Variants in ERI3 observed in about 807,000 individuals in gnomAD.
The protein encoded by ERI3 is ERI1 exoribonuclease 3.
ERI3 carries 18 observed loss-of-function variants against 44.4 expected under a neutral mutation model. That is an observed-to-expected ratio of 0.41 (90% CI 0.28 to 0.60). ERI3 has a LOEUF of 0.60. Among genes scored for constraint, ERI3 ranks in the 20% least tolerant of loss-of-function variants. The pLI is 0.36. For synonymous variants in ERI3, 183 were observed against 164.8 expected, an observed-to-expected ratio of 1.11 and a Z score of -0.84; for missense variants, 294 against 435.5, an observed-to-expected ratio of 0.68 and a Z score of 2.89.
chr1:44,251,770 A>G (rs1342749117), intron 7 of ERI3, among the ~76,000 whole-genome samples: 6 of 152,206 alleles, frequency 3.9e-5, no homozygotes, highest in Non-Finnish European at 5.9e-5. Context: ...CCACATCTGA[A>G]GGCACTGTCT....
chr1:44,231,445 C>T (rs1644181707), intron 8 of ERI3, among the ~76,000 whole-genome samples: 1 of 152,174 alleles, frequency 6.6e-6, no homozygotes, highest in South Asian at 2.1e-4. Context: ...TTGCTCATAG[C>T]TCACCACAGT....
At chr1:44,314,106 A>G (rs1646031255) in intron 4 of ERI3, among the ~76,000 whole-genome samples, 1 of 151,492 alleles carries the variant, frequency 6.6e-6, no homozygotes, top group Non-Finnish European at 1.5e-5. Flanking sequence ...TTCCAGAAAG[A>G]GCAGTATCTC....
At chr1:44,335,447 G>C (rs1010001451) in intron 3 of ERI3, among the ~76,000 whole-genome samples, 3 of 152,026 alleles carry the variant, frequency 2.0e-5, no homozygotes, top group Non-Finnish European at 4.4e-5. Flanking sequence ...CTACTCCCAG[G>C]AGGCATGCAG....
At chr1:44,257,993 A>C (rs1209275812) in intron 7 of ERI3, among the ~76,000 whole-genome samples, 1 of 152,184 alleles carries the variant, frequency 6.6e-6, no homozygotes, top group Non-Finnish European at 1.5e-5. Context: ...TAGGGACTGC[A>C]GCTTGAACTA....
chr1:44,294,646 T>C (rs1645573520), intron 6 of ERI3, among the ~76,000 whole-genome samples: 1 of 152,240 alleles, frequency 6.6e-6, no homozygotes, highest in Non-Finnish European at 1.5e-5. Context: ...CAGAGCTCTC[T>C]TTCCTAGATG....
At chr1:44,239,630 G>T (rs1376096381) in intron 8 of ERI3, among the ~76,000 whole-genome samples, 1 of 152,232 alleles carries the variant, frequency 6.6e-6, no homozygotes, top group African/African-American at 2.4e-5. Flanking sequence ...CTTGCCAGAT[G>T]TTCCCTCTGG....
chr1:44,281,703 G>A (rs939896365), intron 7 of ERI3, among the ~76,000 whole-genome samples: 4 of 150,266 alleles, frequency 2.7e-5, no homozygotes, highest in Admixed American at 2.7e-4. Context: ...GAATATGTAT[G>A]TATAAACACC....
chr1:44,235,612 T>C lies in ERI3; in HGVS notation c.931+12327A>G, dbSNP rs886090746. Among the ~76,000 whole-genome samples, 12 of 152,150 alleles carry C rather than the reference T, an allele frequency of 7.9e-5. No homozygotes were observed. The highest frequency in any genetic ancestry group is 2.9e-4 in the African/African-American group (12 of 41,428). ...CGCAAACCTACTCCAGCCCTGACATTTGCCACCCAAAGCCTTGACATGCCC... is the reference window on the plus strand; with the variant it reads ...CGCAAACCTACTCCAGCCCTGACATCTGCCACCCAAAGCCTTGACATGCCC... On this transcript the variant is annotated intron_variant, in intron 8 of 8. Coordinates refer to ENST00000372257, the MANE Select transcript of ERI3 (RefSeq NM_024066.3). The surrounding 1 kb of genome is among the most constrained non-coding windows in gnomAD (Gnocchi z 4.6).
chr1:44,229,518 T>G (rs1448960576), intron 8 of ERI3, among the ~76,000 whole-genome samples: 1 of 152,086 alleles, frequency 6.6e-6, no homozygotes, highest in African/African-American at 2.4e-5. Context: ...CCGCCCTGAT[T>G]GGGATCAGAT....
At chr1:44,234,232 A>G (rs1644253349) in intron 8 of ERI3, among the ~76,000 whole-genome samples, 1 of 151,730 alleles carries the variant, frequency 6.6e-6, no homozygotes, top group Non-Finnish European at 1.5e-5. Context: ...ATTTTTCAAT[A>G]ATTTCTAAGC....
intron 2 of ERI3, among the ~76,000 whole-genome samples, chr1:44,351,582 C>A (rs992717864): frequency 1.3e-5 from 2 of 152,138 alleles, no homozygotes; most frequent in Non-Finnish European, 2.9e-5. Flanking sequence ...GACAGAGACC[C>A]AAAGCCTAAA....
intron 2 of ERI3, among the ~76,000 whole-genome samples, chr1:44,342,830 T>TATATATATATAA (rs1646692065): frequency 7.2e-5 from 2 of 27,878 alleles, no homozygotes; most frequent in Non-Finnish European, 1.2e-4. Flanking sequence ...TATATATATA[T>TATATATATATAA]ATATATATAT....
intron 7 of ERI3, among the ~76,000 whole-genome samples, chr1:44,275,982 T>A (rs999947392): frequency 2.6e-5 from 4 of 152,202 alleles, no homozygotes; most frequent in Admixed American, 2.0e-4. Flanking sequence ...GGTGAGTGCC[T>A]CAGGCTGCTT....
chr1:44,309,665 C>T (rs898625114), intron 5 of ERI3, among the ~76,000 whole-genome samples: 1 of 151,648 alleles, frequency 6.6e-6, no homozygotes, highest in East Asian at 2.0e-4. Context: ...CCCGGGTTCA[C>T]GCCATTCTCC....
intron 3 of ERI3, among the ~76,000 whole-genome samples, chr1:44,330,001 C>G (rs749403308): frequency 1.9e-4 from 29 of 152,226 alleles, no homozygotes; most frequent in Non-Finnish European, 3.7e-4. Context: ...CGCCAACCAA[C>G]TAACATCCTA....
chr1:44,271,967 G>C (rs1017421478), intron 7 of ERI3, among the ~76,000 whole-genome samples: 1 of 152,182 alleles, frequency 6.6e-6, no homozygotes. Context: ...TCTGCTGTGA[G>C]AGTCTCTTTT....
At chr1:44,320,683 G>A (rs1646183155) in intron 3 of ERI3, among the ~76,000 whole-genome samples, 1 of 152,030 alleles carries the variant, frequency 6.6e-6, no homozygotes, top group African/African-American at 2.4e-5. Context: ...TCAAAGCAGA[G>A]GAAAAGCTAA....
At chr1:44,248,930 G>T (rs559208199) in intron 7 of ERI3, among the ~76,000 whole-genome samples, 30 of 152,108 alleles carry the variant, frequency 2.0e-4, no homozygotes, top group African/African-American at 2.7e-4. Flanking sequence ...CTCCACCTGG[G>T]GGGGGGACAC....
chr1:44,314,832 C>T (rs1424543080), intron 4 of ERI3, among the ~76,000 whole-genome samples: 1 of 152,216 alleles, frequency 6.6e-6, no homozygotes, highest in Non-Finnish European at 1.5e-5. Context: ...AAACTCTGCC[C>T]TCATGGAATA....
Sources: gnomAD v4.1 joint callset for allele counts (sites outside exome capture counted in the v4.1 genomes callset) on GRCh38, gnomAD v4.1.1 for gene constraint, Gnocchi (gnomAD v3.1) non-coding constraint, MANE v1.5 for transcripts, NCBI Gene and HGNC (gene_info 2026-07-23, HGNC 2026-07-21) for gene names.